Variants in THEMIS observed in about 807,000 individuals in gnomAD.
THEMIS encodes protein THEMIS.
Under a neutral mutation model 52.6 loss-of-function variants are expected in THEMIS, and 37 were observed. The ratio of observed to expected loss-of-function variants is 0.70; its 90% CI spans 0.54 to 0.93. The LOEUF (loss-of-function observed/expected upper bound fraction) is 0.93, where lower values mean the gene tolerates loss of function less well. THEMIS is among the 40% of genes least tolerant of loss of function. THEMIS has a pLI of 0.00. For synonymous variants in THEMIS, 292 were observed against 272.7 expected, an observed-to-expected ratio of 1.07 and a Z score of -0.70; for missense variants, 808 against 763.1, an observed-to-expected ratio of 1.06 and a Z score of -0.69.
chr6:127,906,967 C>T lies in THEMIS; in HGVS notation c.-149-5886G>A, dbSNP rs572964371. Among the ~76,000 whole-genome samples, 3 of 150,694 alleles carry T rather than the reference C, an allele frequency of 2.0e-5. No individual in the cohort carries two copies. The South Asian group carries it at 6.3e-4, about 31-fold the overall frequency. On this transcript the variant is annotated intron_variant, in intron 1 of 6. Transcript: ENST00000368250. Reference sequence around the variant, plus strand: ...ATGTTAAAAAACAAAAAAAAAAATTCACAAGCAGAGAAATAAGCTTCAGCA... The same window carrying T: ...ATGTTAAAAAACAAAAAAAAAAATTTACAAGCAGAGAAATAAGCTTCAGCA...
At position 127,709,897 on chromosome 6, in the gene THEMIS, G is replaced by A. The variant is rs996273861; in HGVS notation, c.*88C>T. ...TCAAGTTTCTTCTGGAGTCCATTGG[G>A]GAATACTCGTTTTTCAGCTAGAAGG... On this transcript the variant is annotated 3_prime_UTR_variant, in exon 6 of 6. Coordinates refer to ENST00000368248, the MANE Select transcript of THEMIS (RefSeq NM_001010923.3). The A allele has an allele frequency of 6.5e-5, 76 of 1,170,844 alleles. No homozygotes were observed. The highest frequency in any genetic ancestry group is 9.2e-5 in the Non-Finnish European group (75 of 813,808). 72.5% of individuals were successfully genotyped at this position (1,170,844 alleles called of 1,614,324 possible).
chr6:127,870,554 T>C (rs925198955), intron 1 of THEMIS, among the ~76,000 whole-genome samples: 3 of 152,146 alleles, frequency 2.0e-5, no homozygotes, highest in African/African-American at 7.2e-5. Context: ...AAACAAAGAT[T>C]GGTAGAGTGG....
chr6:127,880,390 T>TAC (rs1780444800), intron 1 of THEMIS, among the ~76,000 whole-genome samples: 1 of 151,824 alleles, frequency 6.6e-6, no homozygotes, highest in African/African-American at 2.4e-5. Flanking sequence ...CTGGAATAAA[T>TAC]ATATATGCTG....
At chr6:127,779,192 CT>C (rs2114473993) in intron 4 of THEMIS, among the ~76,000 whole-genome samples, 2 of 152,240 alleles carry the variant, frequency 1.3e-5, no homozygotes, top group East Asian at 1.9e-4. Context: ...ATCTCACTTA[CT>C]TTTGACTTTA....
At chr6:127,728,641 G>T (rs1290603040) in intron 4 of THEMIS, among the ~76,000 whole-genome samples, 1 of 152,188 alleles carries the variant, frequency 6.6e-6, no homozygotes, top group Non-Finnish European at 1.5e-5. Context: ...AAAGGTAAAG[G>T]TATTGGGGAT....
intron 4 of THEMIS, among the ~76,000 whole-genome samples, chr6:127,810,546 A>G (rs1777868603): frequency 6.6e-6 from 1 of 152,154 alleles, no homozygotes; most frequent in South Asian, 2.1e-4. Context: ...TCTCCAGTAA[A>G]TGGAACAATA....
intron 1 of THEMIS, among the ~76,000 whole-genome samples, chr6:127,863,573 C>A (rs1281130856): frequency 6.6e-6 from 1 of 152,152 alleles, no homozygotes; most frequent in African/African-American, 2.4e-5. Context: ...TTCTTTCTAA[C>A]AAACAAAGCT....
intron 4 of THEMIS, among the ~76,000 whole-genome samples, chr6:127,775,423 G>C (rs1035916004): frequency 7.9e-5 from 12 of 152,168 alleles, no homozygotes; most frequent in Admixed American, 5.2e-4. Context: ...TCACAGCAGA[G>C]AGGGCCAAAG....
At chr6:127,769,656 T>C (rs986185227) in intron 4 of THEMIS, among the ~76,000 whole-genome samples, 1 of 152,168 alleles carries the variant, frequency 6.6e-6, no homozygotes, top group Non-Finnish European at 1.5e-5. Flanking sequence ...ATACTTTAAA[T>C]TCTAGGGTAC....
chr6:127,861,904 T>A (rs182808009), intron 1 of THEMIS, among the ~76,000 whole-genome samples: 1 of 152,030 alleles, frequency 6.6e-6, no homozygotes, highest in African/African-American at 2.4e-5. Context: ...ATTGAAATTG[T>A]GCTTATATTG....
At chr6:127,824,906 C>T (rs1200058453) in intron 3 of THEMIS, among the ~76,000 whole-genome samples, 1 of 150,986 alleles carries the variant, frequency 6.6e-6, no homozygotes. Flanking sequence ...GCCTGGGCGA[C>T]AGAGGGAGAC....
At chr6:127,855,785 G>T (rs1245317792) in intron 1 of THEMIS, among the ~76,000 whole-genome samples, 2 of 151,866 alleles carry the variant, frequency 1.3e-5, no homozygotes, top group Non-Finnish European at 2.9e-5. Context: ...AAACTGAAAA[G>T]CTTCATTTTA....
intron 3 of THEMIS, among the ~76,000 whole-genome samples, chr6:127,818,841 C>G (rs934956795): frequency 2.0e-5 from 3 of 151,832 alleles, no homozygotes; most frequent in Non-Finnish European, 4.4e-5. Context: ...AACACAGGAC[C>G]AGGTGCGGTG....
At chr6:127,862,401 A>G (rs909769741) in intron 1 of THEMIS, among the ~76,000 whole-genome samples, 4 of 138,910 alleles carry the variant, frequency 2.9e-5, no homozygotes, top group African/African-American at 1.0e-4. Context: ...CCAAAGCCAT[A>G]AGCAGGTGAA....
intron 5 of THEMIS, among the ~76,000 whole-genome samples, chr6:127,715,154 C>T (rs1774113160): frequency 6.6e-6 from 1 of 151,836 alleles, no homozygotes; most frequent in African/African-American, 2.4e-5. Context: ...AATCCTATAA[C>T]ATTTTTCTTT....
intron 4 of THEMIS, among the ~76,000 whole-genome samples, chr6:127,770,953 A>G (rs1776364227): frequency 6.6e-6 from 1 of 152,134 alleles, no homozygotes; most frequent in South Asian, 2.1e-4. Context: ...AATAAAGGGT[A>G]TTCAATTAGG....
At chr6:127,814,182 G>C (rs1778047995) in intron 3 of THEMIS, among the ~76,000 whole-genome samples, 1 of 152,080 alleles carries the variant, frequency 6.6e-6, no homozygotes. Flanking sequence ...GAGCTCTAGG[G>C]AACCTCCTCA....
At chr6:127,728,124 T>C (rs1774617154) in intron 4 of THEMIS, among the ~76,000 whole-genome samples, 1 of 152,134 alleles carries the variant, frequency 6.6e-6, no homozygotes. Flanking sequence ...CACACCACTG[T>C]TGAACTTCTT....
intron 2 of THEMIS, among the ~76,000 whole-genome samples, chr6:127,843,870 C>G (rs922058761): frequency 6.6e-6 from 1 of 151,964 alleles, no homozygotes; most frequent in Admixed American, 6.6e-5. Flanking sequence ...CCTCCCAGAA[C>G]AGCCATGTGA....
Sources: gnomAD v4.1 joint callset for allele counts (sites outside exome capture counted in the v4.1 genomes callset) on GRCh38, gnomAD v4.1.1 for gene constraint, MANE v1.5 for transcripts, NCBI Gene and HGNC (gene_info 2026-07-23, HGNC 2026-07-21) for gene names.